BABAM1: variants seen among roughly 807,000 people sequenced by gnomAD.
BABAM1 encodes BRISC and BRCA1-A complex member 1.
In BABAM1, 14 loss-of-function variants were observed where a neutral mutation model predicts 34.4. The observed-to-expected ratio is 0.41, with a 90% CI of 0.27 to 0.64. The LOEUF (loss-of-function observed/expected upper bound fraction) is 0.64. Among genes scored for constraint, BABAM1 ranks in the 30% least tolerant of loss-of-function variants. The pLI is 0.34. For synonymous variants in BABAM1, 169 were observed against 165.8 expected (o/e 1.02, Z -0.15); for missense variants, 393 against 434.0 (o/e 0.91, Z 0.84).
At chr19:17,278,574 G>T (rs1445793824) in intron 8 of BABAM1, among the ~76,000 whole-genome samples, 2 of 151,954 alleles carry the variant, frequency 1.3e-5, no homozygotes, top group East Asian at 3.9e-4. Flanking sequence ...CTCCCAAAGT[G>T]CTGGGATTAC....
chr19:17,275,386 G>A (rs1473184679), intron 5 of BABAM1, among the ~76,000 whole-genome samples: 1 of 151,142 alleles, frequency 6.6e-6, no homozygotes, highest in Non-Finnish European at 1.5e-5. Context: ...CACCTCCCGA[G>A]TTCAAGCAAT....
chr19:17,278,267 C>T (rs1343609552), intron 8 of BABAM1, among the ~76,000 whole-genome samples: 1 of 151,718 alleles, frequency 6.6e-6, no homozygotes, highest in Non-Finnish European at 1.5e-5. Context: ...AAGTGGGGGC[C>T]AGGAGAATGT....
rs2073946655 is a variant in BABAM1, at chr19:17,279,232, A to G, written c.*184A>G. 1 of 566,566 alleles carries G rather than the reference A, an allele frequency of 1.8e-6. No individual in the cohort carries two copies. The highest frequency in any genetic ancestry group is 3.0e-6 in the Non-Finnish European group (1 of 329,576). 35.1% of individuals were successfully genotyped at this position (566,566 alleles called of 1,614,324 possible). A position where few individuals can be genotyped will look rare whatever the true frequency, so the allele number is the denominator to read the frequency against. ...GGGATCCCAGGAACTGTGGGCACCC[A>G]TTTTCTGTGTCTCCCAGCCCATTTC... On this transcript the variant is annotated 3_prime_UTR_variant, in exon 9 of 9. Transcript: ENST00000598188.
chr19:17,270,524 C>CTTTTTTTTT (rs955870596), intron 2 of BABAM1, among the ~76,000 whole-genome samples: 1 of 125,894 alleles, frequency 7.9e-6, no homozygotes. Context: ...AGGTCACATT[C>CTTTTTTTTT]TTTTTTTTTT....
Position 17,274,139 on chromosome 19 carries a change from C to T in BABAM1, c.498C>T (p.Leu166=), listed in dbSNP as rs1321896058. Residue 166 remains leucine (L), a synonymous_variant, in exon 5 of 9, where the codon CTC becomes CTT. Transcript: ENST00000598188. The part of the protein sequence containing the change: ...LSGLTSDPRE[L]CSCLYDLETA... ...GCCTGACCTCCGACCCCCGCGAGCT[C>T]TGTAGCTGCCTCTATGATCTGGAGA... is the stretch of plus-strand genomic sequence containing the variant. 2 of 1,613,732 alleles carry T rather than the reference C, an allele frequency of 1.2e-6. No homozygotes were observed. Among genetic ancestry groups the T allele is most frequent in the Admixed American group, 3.3e-5 (2 of 60,022 alleles).
chr19:17,276,586 C>G lies in BABAM1; in HGVS notation c.661C>G (p.Pro221Ala). Residue 221 changes from proline (P) to alanine (A), a missense_variant, in exon 7 of 9, where the codon CCT becomes GCT. Transcript: ENST00000598188. ...VRTILVYSRP[P>A]CQPQFSLTEP... ...CACCATCCTTGTCTACAGCCGTCCA[C>G]CTTGCCAGCCCCAGTTCTCCTTGAC... 1 of 1,606,602 alleles carries G rather than the reference C, an allele frequency of 6.2e-7. No individual in the cohort carries two copies.
chr19:17,279,077 T>C lies in BABAM1; in HGVS notation c.*29T>C. 6.3e-7 allele frequency: 1 copy of C among 1,585,826 alleles called. No homozygotes were observed. Among genetic ancestry groups the C allele is most frequent in the Non-Finnish European group, 8.6e-7 (1 of 1,162,722 alleles). ...ATCCCTGTACATCTGCACCTTCTTG[T>C]GCAAGGAAGTCCTTGGCCTAAAGCC... On this transcript the variant is annotated 3_prime_UTR_variant, in exon 9 of 9. Transcript: ENST00000598188.
At chr19:17,269,348 C>CTTTT (rs71334696) in intron 2 of BABAM1, among the ~76,000 whole-genome samples, 6 of 123,046 alleles carry the variant, frequency 4.9e-5, no homozygotes, top group Non-Finnish European at 6.7e-5. Flanking sequence ...TTTTGTCTGT[C>CTTTT]TTTTTTTTTT....
Position 17,278,962 on chromosome 19 carries a change from C to G in BABAM1, c.904C>G (p.Pro302Ala). The change falls in exon 9 of 9, where the codon CCC becomes GCC. Residue 302 changes from proline (P) to alanine (A), a missense_variant. Pro to Ala is a conservative substitution (Grantham distance 27). Transcript: ENST00000598188. ...HNCMAKLLAH[P>A]LQRPCQSHAS... ...CTGCATGGCGAAACTGTTGGCCCACCCCCTGCAGCGGCCTTGCCAGAGCCA... is the reference window on the plus strand; with the variant it reads ...CTGCATGGCGAAACTGTTGGCCCACGCCCTGCAGCGGCCTTGCCAGAGCCA... The G allele has an allele frequency of 1.2e-6, 2 of 1,612,930 alleles. No homozygotes were observed. Among genetic ancestry groups the G allele is most frequent in the Non-Finnish European group, 1.7e-6 (2 of 1,179,572 alleles).
chr19:17,273,632 C>CAGCT (rs1344029628), intron 3 of BABAM1, among the ~76,000 whole-genome samples: 1 of 147,656 alleles, frequency 6.8e-6, no homozygotes, highest in Non-Finnish European at 1.5e-5. Context: ...GGCGCGATCT[C>CAGCT]AGCTCACTGC....
At chr19:17,278,755 C>T in intron 8 of BABAM1, 90 bp from the exon 9 acceptor site, 2 of 1,309,978 alleles carry the variant, frequency 1.5e-6, no homozygotes, top group East Asian at 5.0e-5. Context: ...CAGATGTCCC[C>T]TCTTCTGAGA....
Position 17,279,101 on chromosome 19 carries a change from C to T in BABAM1, c.*53C>T, listed in dbSNP as rs750452082. The T allele has an allele frequency of 1.9e-6, 3 of 1,544,588 alleles. No individual in the cohort carries two copies. The highest frequency in any genetic ancestry group is 1.7e-4 in the Middle Eastern group (1 of 5,926). On this transcript the variant is annotated 3_prime_UTR_variant, in exon 9 of 9. Transcript: ENST00000598188. ...GTGCAAGGAAGTCCTTGGCCTAAAG[C>T]CTTGGTTCTCAAACTGGGTTCCTTG... is the stretch of plus-strand genomic sequence containing the variant.
chr19:17,277,376 A>C (rs1260832750), intron 8 of BABAM1: 2 of 159,376 alleles, frequency 1.3e-5, no homozygotes, highest in African/African-American at 4.8e-5. Flanking sequence ...TAATTTTTGT[A>C]TTTTTAGTAG....
Position 17,274,115 on chromosome 19 carries a change from C to T in BABAM1, c.474C>T (p.Gly158=). The T allele has an allele frequency of 6.2e-7, 1 of 1,613,722 alleles. No individual in the cohort carries two copies. Among genetic ancestry groups the T allele is most frequent in the Middle Eastern group, 1.7e-4 (1 of 6,022 alleles). Residue 158 remains glycine (G), a synonymous_variant, in exon 5 of 9, where the codon GGC becomes GGT. Transcript: ENST00000598188. ...CCTCTGCTTCCCTGCAGCTGTCTGG[C>T]CTGACCTCCGACCCCCGCGAGCTCT... ...VVNDDTAWLS[G]LTSDPRELCS... is the part of the protein sequence containing the mutation.
chr19:17,278,518 C>G (rs910781989), intron 8 of BABAM1, among the ~76,000 whole-genome samples: 30 of 151,722 alleles, frequency 2.0e-4, no homozygotes, highest in Admixed American at 5.3e-4. Flanking sequence ...ACTGTGTTAG[C>G]CAGGATGGTC....
At chr19:17,276,775 CG>C (rs1568336217) in intron 7 of BABAM1, 47 bp from the exon 8 acceptor site, 3 of 1,567,186 alleles carry the variant, frequency 1.9e-6, no homozygotes, top group Non-Finnish European at 2.6e-6. Flanking sequence ...TCATGGGGCA[CG>C]GGGTGACCCA....
At chr19:17,270,741 G>A (rs1243958487) in intron 2 of BABAM1, among the ~76,000 whole-genome samples, 1 of 151,852 alleles carries the variant, frequency 6.6e-6, no homozygotes, top group Non-Finnish European at 1.5e-5. Flanking sequence ...AGGCTGGAGT[G>A]GAGTGGCACA....
At chr19:17,268,575 A>G in intron 1 of BABAM1, 2 of 440,216 alleles carry the variant, frequency 4.5e-6, no homozygotes, top group East Asian at 4.3e-5. Context: ...GATTATCCGC[A>G]TGCGCCACCA....
At chr19:17,272,976 C>A (rs1441185819) in intron 3 of BABAM1, among the ~76,000 whole-genome samples, 1 of 152,062 alleles carries the variant, frequency 6.6e-6, no homozygotes, top group Non-Finnish European at 1.5e-5. Flanking sequence ...CAAGATCGCG[C>A]CATTGCACTC....
Sources: gnomAD v4.1 joint callset for allele counts (sites outside exome capture counted in the v4.1 genomes callset) on GRCh38, gnomAD v4.1.1 for gene constraint, MANE v1.5 for transcripts, NCBI Gene and HGNC (gene_info 2026-07-23, HGNC 2026-07-21) for gene names.